Variants in ZNF292 observed in about 807,000 individuals in gnomAD.
ZNF292 encodes the protein zinc finger protein 292.
A neutral mutation model predicts 217.9 loss-of-function variants in ZNF292; 26 were observed. The ratio of observed to expected loss-of-function variants is 0.12; its 90% confidence interval spans 0.09 to 0.17. ZNF292 has a LOEUF of 0.17. Ranked by LOEUF, ZNF292 falls within the 10% of genes least tolerant of loss-of-function variation. The pLI is 1.00. For synonymous variants in ZNF292, 1,257 were observed against 1,124.1 expected (o/e 1.12, Z -2.37); for missense variants, 2,904 against 3,175.2 (o/e 0.91, Z 2.05).
Position 87,256,131 on chromosome 6 carries a change from TC to T in ZNF292, c.2504del (p.Pro835LeufsTer23). On this transcript the variant is annotated frameshift_variant, in exon 8 of 8. Transcript: ENST00000369577. LOFTEE classifies it high-confidence loss of function. ...AGCATCTGGATGATCACAGTACTCC[TC>T]CTGAAAAAGTGCTGCCTCCTGAAGC... ...EKHLDDHSTP[P>X]EKVLPPEAQL... 6.2e-7 allele frequency: 1 copy of T among 1,613,720 alleles called. No homozygotes were observed. Among genetic ancestry groups the T allele is most frequent in the Non-Finnish European group, 8.5e-7 (1 of 1,179,790 alleles).
rs140730076 is a variant in ZNF292 at position 87,156,884 on chromosome 6, G to T, written c.168+1125G>T. On this transcript the variant is annotated intron_variant, in intron 1 of 7. Transcript: ENST00000369577. ...AGGTAGTGTTGCTGGCTCTGGTGAA[G>T]ACTTTGATTTGATTGTCTTGAGGAG... 2.6e-3 allele frequency among the ~76,000 whole-genome samples: 398 copies of T among 152,310 alleles called. 2 individuals are homozygous for T. The highest frequency in any genetic ancestry group is 9.2e-3 in the African/African-American group (382 of 41,566).
chr6:87,198,175 GTTTA>G (rs1302815677), intron 1 of ZNF292, among the ~76,000 whole-genome samples: 9 of 141,612 alleles, frequency 6.4e-5, no homozygotes, highest in African/African-American at 8.3e-5. Context: ...ACCATTGCAT[GTTTA>G]TTTTATTTAT....
chr6:87,259,096 A>T lies in ZNF292; in HGVS notation c.5467A>T (p.Ser1823Cys). Residue 1823 changes from serine to cysteine, a missense_variant, in exon 8 of 8, where the codon AGT (serine) becomes TGT (cysteine). Physicochemically the swap from Ser to Cys is moderately radical, Grantham distance 112. Around this residue, in one of 15 missense-constraint regions of ZNF292, gnomAD observed 622 missense variants for 573.1 expected, o/e 1.09. Transcript: ENST00000369577. Reference protein sequence around the residue: ...SSFISVMPTKSNIPQSEVSHK... With the variant: ...SSFISVMPTKCNIPQSEVSHK... ...CTTTATAAGTGTCATGCCAACAAAA[A>T]GTAACATTCCTCAGTCTGAAGTATC... The T allele has an allele frequency of 6.2e-7, 1 of 1,613,290 alleles. No individual in the cohort carries two copies. Among genetic ancestry groups the T allele is most frequent in the Non-Finnish European group, 8.5e-7 (1 of 1,179,612 alleles).
chr6:87,231,191 AAAC>A (rs1773636316), intron 4 of ZNF292, among the ~76,000 whole-genome samples: 1 of 152,208 alleles, frequency 6.6e-6, no homozygotes, highest in Non-Finnish European at 1.5e-5. Context: ...AATTGAGTGT[AAAC>A]CACTTTTGAT....
chr6:87,233,643 C>T, intron 5 of ZNF292, 116 bp downstream of exon 5: 10 of 1,464,450 alleles, frequency 6.8e-6, no homozygotes, highest in Admixed American at 2.5e-5. Context: ...GTCAATCTTA[C>T]ATTTTTGGTA....
intron 1 of ZNF292, among the ~76,000 whole-genome samples, chr6:87,202,737 C>T (rs961345223): frequency 1.3e-5 from 2 of 152,008 alleles, no homozygotes; most frequent in Admixed American, 6.5e-5. Context: ...CAATATTTCC[C>T]CTTCCCCCCG....
In ZNF292 at chr6:87,259,681, G is replaced by A. The variant is rs1175046984; in HGVS notation, c.6052G>A (p.Glu2018Lys). ...AGCTATGACAGAGGAAAATAAAAAG[G>A]AATCTCAGCCTGCTTTAGAATTGAG... ...QLAMTEENKKESQPALELRAE... is the reference protein window; with the variant it reads ...QLAMTEENKKKSQPALELRAE... The change falls in exon 8 of 8, where the codon GAA (glutamate) becomes AAA (lysine). Residue 2018 changes from glutamate (E) to lysine (K), a missense_variant. Glu to Lys is a moderately conservative substitution (Grantham distance 56). Transcript: ENST00000369577. 1 of 1,594,632 alleles carries A rather than the reference G, an allele frequency of 6.3e-7. No individual in the cohort carries two copies.
At position 87,258,322 on chromosome 6, in the gene ZNF292, A is replaced by G. The variant is rs139053622; in HGVS notation, c.4693A>G (p.Ser1565Gly). 1.1e-5 allele frequency: 17 copies of G among 1,613,676 alleles called. No individual in the cohort carries two copies. The highest frequency in any genetic ancestry group is 6.6e-5 in the South Asian group (6 of 91,056). Residue 1565 changes from serine to glycine, a missense_variant, in exon 8 of 8, where the codon AGC becomes GGC. Around this residue, in one of 15 missense-constraint regions of ZNF292, gnomAD observed 622 missense variants for 573.1 expected, o/e 1.09. Coordinates refer to ENST00000369577, the MANE Select transcript of ZNF292 (RefSeq NM_015021.3). The part of the protein sequence containing the change: ...NSKTSSIEEC[S>G]SLPVFPTNDL... ...CAAAACTTCCTCCATTGAGGAATGTAGCAGCTTGCCTGTTTTTCCAACGAA... is the reference window on the plus strand; with the variant it reads ...CAAAACTTCCTCCATTGAGGAATGTGGCAGCTTGCCTGTTTTTCCAACGAA...
At chr6:87,183,666 A>G (rs1422785603) in intron 1 of ZNF292, among the ~76,000 whole-genome samples, 1 of 152,238 alleles carries the variant, frequency 6.6e-6, no homozygotes, top group East Asian at 1.9e-4. Flanking sequence ...TTTACACCAT[A>G]AAATAGGCAG....
At position 87,255,252 on chromosome 6, in the gene ZNF292, G is replaced by T; in HGVS notation, c.1623G>T (p.Met541Ile). 3 of 1,613,886 alleles carry T rather than the reference G, an allele frequency of 1.9e-6. No individual in the cohort carries two copies. Among genetic ancestry groups the T allele is most frequent in the Non-Finnish European group, 2.5e-6 (3 of 1,179,816 alleles). ...GGTTTAGGAATTGGCAAGCCTACAT[G>T]CAGTATTGTGTGTTGTGTGACAAAG... ...SARFRNWQAY[M>I]QYCVLCDKEF... Residue 541 changes from methionine to isoleucine, a missense_variant, in exon 8 of 8, where the codon ATG (methionine) becomes ATT (isoleucine). Met to Ile is a conservative substitution (Grantham distance 10). Coordinates refer to ENST00000369577, the MANE Select transcript of ZNF292 (RefSeq NM_015021.3).
Position 87,257,260 on chromosome 6 carries a change from A to G in ZNF292, c.3631A>G (p.Ile1211Val), listed in dbSNP as rs1475176085. Residue 1211 changes from isoleucine (I) to valine (V), a missense_variant, in exon 8 of 8, where the codon ATA becomes GTA. This residue lies in a region of ZNF292 where 687 missense variants were observed against 623.0 expected (regional missense o/e 1.10). Transcript: ENST00000369577. ...TPLLSSMESVINPNITSQDKN... is the reference protein window; with the variant it reads ...TPLLSSMESVVNPNITSQDKN... ...ATTGTTGTCCTCAATGGAAAGTGTC[A>G]TAAATCCAAATATAACTTCTCAGGA... 3.7e-6 allele frequency: 6 copies of G among 1,613,788 alleles called. No homozygotes were observed. The highest frequency in any genetic ancestry group is 2.2e-5 in the East Asian group (1 of 44,888).
At chr6:87,249,148 A>G (rs940722299) in intron 7 of ZNF292, among the ~76,000 whole-genome samples, 1 of 152,108 alleles carries the variant, frequency 6.6e-6, no homozygotes, top group Non-Finnish European at 1.5e-5. Flanking sequence ...TTGGTTTTTG[A>G]GAGAGTCTTC....
At chr6:87,243,718 C>A in intron 6 of ZNF292, 107 bp downstream of exon 6, 1 of 1,085,394 alleles carries the variant, frequency 9.2e-7, no homozygotes, top group Non-Finnish European at 1.2e-6. Flanking sequence ...CTTTTTAAGA[C>A]AAAAGGCTTA....
Position 87,255,157 on chromosome 6 carries a change from G to A in ZNF292, c.1528G>A (p.Asp510Asn), listed in dbSNP as rs766752609. ...TGGTGCTAATTCTGGCCTTCTTAAA[G>A]ACATTGGTGATGAAAAGCAGAAGAA... is the stretch of plus-strand genomic sequence containing the variant. ...GVGANSGLLK[D>N]IGDEKQKKRE... Residue 510 changes from aspartate (D) to asparagine (N), a missense_variant, in exon 8 of 8, where the codon GAC (aspartate) becomes AAC (asparagine). Physicochemically the swap from Asp to Asn is conservative, Grantham distance 23 (BLOSUM62 1). Coordinates refer to ENST00000369577, the MANE Select transcript of ZNF292 (RefSeq NM_015021.3). The A allele has an allele frequency of 3.2e-5, 51 of 1,613,676 alleles. No individual in the cohort carries two copies. Among genetic ancestry groups the A allele is most frequent in the Non-Finnish European group, 4.2e-5 (49 of 1,179,838 alleles).
At position 87,233,540 on chromosome 6, in the gene ZNF292, T is replaced by G; in HGVS notation, c.741+13T>G. 4.4e-6 allele frequency: 7 copies of G among 1,584,690 alleles called. No homozygotes were observed. Among genetic ancestry groups the G allele is most frequent in the Non-Finnish European group, 6.0e-6 (7 of 1,165,618 alleles). ...GTTAATCGAAGAGGTGAGTATGTTT[T>G]CTTTCATTAGTAATTATTTTTTAAG... is the stretch of plus-strand genomic sequence containing the variant. On this transcript the variant is annotated intron_variant, in intron 5 of 7. Transcript: ENST00000369577.
intron 4 of ZNF292, among the ~76,000 whole-genome samples, chr6:87,230,966 G>T (rs908006206): frequency 1.3e-5 from 2 of 152,086 alleles, no homozygotes; most frequent in Non-Finnish European, 2.9e-5. Context: ...ATACTTTGTG[G>T]GATGCTAGTG....
intron 1 of ZNF292, among the ~76,000 whole-genome samples, chr6:87,190,584 C>CT (rs1771795295): frequency 1.3e-5 from 2 of 152,096 alleles, no homozygotes; most frequent in South Asian, 4.1e-4. Context: ...AGTGATTCTC[C>CT]TGCCTCAGCC....
intron 1 of ZNF292, among the ~76,000 whole-genome samples, chr6:87,180,725 C>T (rs1315451460): frequency 6.6e-6 from 1 of 152,152 alleles, no homozygotes; most frequent in Non-Finnish European, 1.5e-5. Flanking sequence ...GGGCTGCAGC[C>T]ATAATTCCAA....
chr6:87,174,806 A>G (rs1168458019), intron 1 of ZNF292, among the ~76,000 whole-genome samples: 3 of 152,236 alleles, frequency 2.0e-5, no homozygotes, highest in African/African-American at 4.8e-5. Flanking sequence ...TGAATAGGGG[A>G]ATTATACTTT....
Sources: gnomAD v4.1 joint callset for allele counts (sites outside exome capture counted in the v4.1 genomes callset) on GRCh38, gnomAD v4.1.1 for gene constraint, gnomAD v4.1.1 regional missense constraint, MANE v1.5 for transcripts, NCBI Gene and HGNC (gene_info 2026-07-23, HGNC 2026-07-21) for gene names.